Variants in GABRB3 observed in about 807,000 individuals in gnomAD.
The protein encoded by GABRB3 is gamma-aminobutyric acid type A receptor subunit beta3, also known as gamma-aminobutyric acid receptor subunit beta-3.
Under a neutral mutation model 52.1 loss-of-function variants are expected in GABRB3, and 14 were observed. The observed-to-expected ratio is 0.27, with a 90% CI of 0.18 to 0.42. GABRB3 has a LOEUF of 0.42. GABRB3 is among the 10% of genes least tolerant of loss of function. The pLI is 1.00. For missense variants in GABRB3, 307 were observed against 609.1 expected (o/e 0.50, Z 5.22); for synonymous variants, 260 against 232.3 (o/e 1.12, Z -1.08).
chr15:26,648,936 G>A (rs923610806), intron 3 of GABRB3, among the ~76,000 whole-genome samples: 19 of 152,122 alleles, frequency 1.2e-4, no homozygotes, highest in South Asian at 6.2e-4. Flanking sequence ...CCTGCAGAGT[G>A]GGTGGCAGGA....
intron 6 of GABRB3, 130 bp from the exon 7 acceptor site, chr15:26,567,863 C>T: frequency 2.4e-6 from 2 of 842,892 alleles, no homozygotes; most frequent in Admixed American, 1.9e-5. Context: ...CACCACCAAG[C>T]AGTTTGCTTC....
chr15:26,648,212 G>A (rs951529646), intron 3 of GABRB3, among the ~76,000 whole-genome samples: 5 of 152,124 alleles, frequency 3.3e-5, no homozygotes, highest in African/African-American at 1.2e-4. Flanking sequence ...CTGCTCTGGG[G>A]ACCTCATATG....
chr15:26,593,858 T>C (rs1274754158), intron 4 of GABRB3, among the ~76,000 whole-genome samples: 1 of 151,474 alleles, frequency 6.6e-6, no homozygotes, highest in Non-Finnish European at 1.5e-5. Context: ...TAATTTTACG[T>C]TTAAATTTTG....
rs1338829599 is a variant in GABRB3 at position 26,580,425 on chromosome 15, G to A, written c.576C>T (p.Tyr192=). Residue 192 remains tyrosine (Y), a synonymous_variant, in exon 6 of 9, where the codon TAC becomes TAT. Coordinates refer to ENST00000311550, the MANE Select transcript of GABRB3 (RefSeq NM_000814.6). The part of the protein sequence containing the change: ...YGYTTDDIEF[Y]WRGGDKAVTG... ...TAACAGCCTTGTCCCCGCCTCGCCA[G>A]TAAAACTCAATGTCATCCGTGGTGT... The A allele has an allele frequency of 6.2e-7, 1 of 1,614,194 alleles. No individual in the cohort carries two copies. Among genetic ancestry groups the A allele is most frequent in the Admixed American group, 1.7e-5 (1 of 60,020 alleles).
At chr15:26,747,380 G>A (rs1890376753) in intron 3 of GABRB3, among the ~76,000 whole-genome samples, 1 of 152,178 alleles carries the variant, frequency 6.6e-6, no homozygotes, top group African/African-American at 2.4e-5. Context: ...TCTCCATTTA[G>A]TTAGGTCTTC....
At chr15:26,708,126 G>C (rs1349066078) in intron 3 of GABRB3, among the ~76,000 whole-genome samples, 2 of 152,124 alleles carry the variant, frequency 1.3e-5, no homozygotes, top group Non-Finnish European at 2.9e-5. Flanking sequence ...GAACTTCCAA[G>C]AAAATTCTGG....
At chr15:26,676,647 T>C (rs1170670891) in intron 3 of GABRB3, among the ~76,000 whole-genome samples, 2 of 152,204 alleles carry the variant, frequency 1.3e-5, no homozygotes, top group East Asian at 3.8e-4. Context: ...TAGATTTCAG[T>C]TTCTTAGGCA....
Position 26,569,854 on chromosome 15 carries a change from C to T in GABRB3, c.683-2121G>A, listed in dbSNP as rs192985267. On this transcript the variant is annotated intron_variant, in intron 6 of 8. Coordinates refer to ENST00000311550, the MANE Select transcript of GABRB3 (RefSeq NM_000814.6). ...TGGGAAAACCTTGTCCTTTCAATTA[C>T]TTTTTTAAAAATTGAATACTTCCTA... Among the ~76,000 whole-genome samples, 99 of 152,300 alleles carry T rather than the reference C, an allele frequency of 6.5e-4. No individual in the cohort carries two copies. In the East Asian group the frequency reaches 0.019, roughly 28 times the overall value.
chr15:26,545,387 C>A lies in GABRB3; in HGVS notation c.*2406G>T, dbSNP rs1357760791. On this transcript the variant is annotated 3_prime_UTR_variant, in exon 9 of 9. Coordinates refer to ENST00000311550, the MANE Select transcript of GABRB3 (RefSeq NM_000814.6). ...GAAAACCTTGGGAAGGAGACTGCAG[C>A]TCTTTGGAGCCCCATGGGGTCTCTG... The A allele has an allele frequency of 6.6e-6, 1 of 152,622 alleles. No individual in the cohort carries two copies. The highest frequency in any genetic ancestry group is 6.5e-5 in the Admixed American group (1 of 15,280). 9.5% of individuals were successfully genotyped at this position (152,622 alleles called of 1,614,324 possible).
Position 26,552,722 on chromosome 15 carries a change from G to A in GABRB3, c.1081-4588C>T, listed in dbSNP as rs181102664. Among the ~76,000 whole-genome samples, 39 of 152,288 alleles carry A rather than the reference G, an allele frequency of 2.6e-4. 1 individual carries two copies. The East Asian group carries it at 6.8e-3, about 26-fold the overall frequency. Reference sequence around the variant, plus strand: ...GCAAGATTCTCCAGGACAGAAGCTTGTCCACTGGTCTTTATCTCCTTCCAG... The same window carrying A: ...GCAAGATTCTCCAGGACAGAAGCTTATCCACTGGTCTTTATCTCCTTCCAG... On this transcript the variant is annotated intron_variant, in intron 8 of 8. Coordinates refer to ENST00000311550, the MANE Select transcript of GABRB3 (RefSeq NM_000814.6).
chr15:26,762,708 A>G (rs747909030), intron 3 of GABRB3, among the ~76,000 whole-genome samples: 26 of 152,236 alleles, frequency 1.7e-4, no homozygotes, highest in Non-Finnish European at 1.3e-4. Context: ...CAGGACACAC[A>G]TTAACGTTCT....
In GABRB3 at chr15:26,632,632, G is replaced by A. The variant is rs143918925; in HGVS notation, c.241-11098C>T. ...AGAACCAGGGAAATGTAAGAGAGAT[G>A]CCCTTCACTAAATAAACTGTTCATG... is the stretch of plus-strand genomic sequence containing the variant. On this transcript the variant is annotated intron_variant, in intron 3 of 8. Coordinates refer to ENST00000311550, the MANE Select transcript of GABRB3 (RefSeq NM_000814.6). Among the ~76,000 whole-genome samples the A allele has an allele frequency of 2.0e-5, 3 of 152,286 alleles. No individual in the cohort carries two copies. In the East Asian group the frequency reaches 5.8e-4, roughly 29 times the overall value.
chr15:26,611,483 AAAG>A (rs1371320597), intron 4 of GABRB3, among the ~76,000 whole-genome samples: 1 of 152,194 alleles, frequency 6.6e-6, no homozygotes, highest in Non-Finnish European at 1.5e-5. Context: ...AAAATACGCC[AAAG>A]AAGATGTGTA....
chr15:26,700,383 C>T lies in GABRB3; in HGVS notation c.240+72019G>A, dbSNP rs956838749. On this transcript the variant is annotated intron_variant, in intron 3 of 8. Transcript: ENST00000311550. The stretch of plus-strand genomic sequence containing the variant: ...ACAAACATGATTTCAAGGATAAATT[C>T]TACCAAGCATATAAGGAAGAATTAA... Among the ~76,000 whole-genome samples, 77 of 151,940 alleles carry T rather than the reference C, an allele frequency of 5.1e-4. 1 individual carries two copies. Among genetic ancestry groups the T allele is most frequent in the African/African-American group, 1.7e-3 (69 of 41,286 alleles).
At chr15:26,695,078 A>T (rs1038749356) in intron 3 of GABRB3, among the ~76,000 whole-genome samples, 4 of 152,164 alleles carry the variant, frequency 2.6e-5, no homozygotes, top group Non-Finnish European at 2.9e-5. Flanking sequence ...AGGTATAACA[A>T]ACGTATATGT....
At position 26,546,445 on chromosome 15, in the gene GABRB3, G is replaced by C. The variant is rs1430272843; in HGVS notation, c.*1348C>G. 6.6e-6 allele frequency: 1 copy of C among 152,546 alleles called. No individual in the cohort carries two copies. The highest frequency in any genetic ancestry group is 1.5e-5 in the Non-Finnish European group (1 of 68,042). The allele number at this position is 152,546 out of a possible 1,614,324, so 9.4% of individuals were successfully genotyped here. On this transcript the variant is annotated 3_prime_UTR_variant, in exon 9 of 9. Transcript: ENST00000311550. ...CTGTGGATCAGAAGGAACCAACAGT[G>C]ACTGTGTTTGCTGTCAGGTTGCCCT...
intron 6 of GABRB3, among the ~76,000 whole-genome samples, chr15:26,570,650 A>T (rs1003940738): frequency 6.6e-6 from 1 of 152,206 alleles, no homozygotes; most frequent in African/African-American, 2.4e-5. Context: ...TCACTGCCTC[A>T]AAATATTCAT....
intron 3 of GABRB3, among the ~76,000 whole-genome samples, chr15:26,757,372 T>C (rs553405908): frequency 6.6e-6 from 1 of 152,222 alleles, no homozygotes; most frequent in African/African-American, 2.4e-5. Context: ...GCGCGCTCCA[T>C]TGCTCACTCG....
intron 3 of GABRB3, among the ~76,000 whole-genome samples, chr15:26,699,900 A>C (rs1016196450): frequency 6.6e-6 from 1 of 152,068 alleles, no homozygotes; most frequent in Non-Finnish European, 1.5e-5. Context: ...TCAAAAAAAA[A>C]AGTTTCAAAT....
Sources: gnomAD v4.1 joint callset for allele counts (sites outside exome capture counted in the v4.1 genomes callset) on GRCh38, gnomAD v4.1.1 for gene constraint, MANE v1.5 for transcripts, NCBI Gene and HGNC (gene_info 2026-07-23, HGNC 2026-07-21) for gene names.